SPAG16: variants seen among roughly 807,000 people sequenced by gnomAD.
The protein encoded by SPAG16 is sperm associated antigen 16.
A neutral mutation model predicts 80.4 loss-of-function variants in SPAG16; 86 were observed. That is an observed-to-expected ratio of 1.07 (90% CI 0.90 to 1.28). The LOEUF (loss-of-function observed/expected upper bound fraction) is 1.28, where lower values mean the gene tolerates loss of function less well. SPAG16 is among the 50% of genes most tolerant of loss of function. The pLI, the probability that SPAG16 is intolerant of heterozygous loss-of-function variation, is 0.00. For synonymous variants in SPAG16, 294 were observed against 265.9 expected, an observed-to-expected ratio of 1.11 and a Z score of -1.03; for missense variants, 870 against 765.3, an observed-to-expected ratio of 1.14 and a Z score of -1.61.
At position 213,346,696 on chromosome 2, in the gene SPAG16, A is replaced by G. The variant is rs1248770337; in HGVS notation, c.645-3832A>G. Among the ~76,000 whole-genome samples, 5 of 152,250 alleles carry G rather than the reference A, an allele frequency of 3.3e-5. No individual in the cohort carries two copies. In the East Asian group the frequency reaches 9.6e-4, roughly 29 times the overall value. The stretch of plus-strand genomic sequence containing the variant: ...CTGGATTATGTTTATTGATTTGCAT[A>G]TGTTGAACCAGCCTTGCATCCCAGG... On this transcript the variant is annotated intron_variant, in intron 6 of 15. Coordinates refer to ENST00000331683, the MANE Select transcript of SPAG16 (RefSeq NM_024532.5).
chr2:213,741,860 C>CT, intron 10 of SPAG16, among the ~76,000 whole-genome samples: 1 of 152,156 alleles, frequency 6.6e-6, no homozygotes, highest in East Asian at 1.9e-4. Context: ...GAGTTGTTCT[C>CT]TTTTTTCCTT....
At chr2:213,984,444 G>T (rs1165093605) in intron 12 of SPAG16, among the ~76,000 whole-genome samples, 2 of 152,068 alleles carry the variant, frequency 1.3e-5, no homozygotes, top group Non-Finnish European at 2.9e-5. Context: ...GGATAGCAAA[G>T]CTCACATAAC....
intron 10 of SPAG16, among the ~76,000 whole-genome samples, chr2:213,492,881 A>C (rs1160121340): frequency 1.3e-5 from 2 of 152,184 alleles, no homozygotes; most frequent in African/African-American, 4.8e-5. Flanking sequence ...TATAAGTGCC[A>C]GGATTCAGCT....
intron 12 of SPAG16, among the ~76,000 whole-genome samples, chr2:213,976,218 G>A (rs866855336): frequency 5.5e-5 from 8 of 145,628 alleles, no homozygotes; most frequent in South Asian, 2.1e-4. Flanking sequence ...ACATATGTAC[G>A]CATATACATA....
Position 214,012,299 on chromosome 2 carries a change from T to TA in SPAG16, c.1401-1652_1401-1651insA, listed in dbSNP as rs2047349755. On this transcript the variant is annotated intron_variant, in intron 12 of 15. Coordinates refer to ENST00000331683, the MANE Select transcript of SPAG16 (RefSeq NM_024532.5). ...ATATATATATATATATTTTTTTTTT[T>TA]TTTTTTTTTTCCTCGAGAGGGCATC... is the stretch of plus-strand genomic sequence containing the variant. Among the ~76,000 whole-genome samples the TA allele has an allele frequency of 6.2e-5, 7 of 113,526 alleles. 1 individual carries two copies. The highest frequency in any genetic ancestry group is 2.4e-4 in the African/African-American group (7 of 28,918). 74.5% of individuals were successfully genotyped at this position (113,526 alleles called of 152,430 possible).
At chr2:213,860,161 C>T (rs1213909668) in intron 10 of SPAG16, among the ~76,000 whole-genome samples, 1 of 151,934 alleles carries the variant, frequency 6.6e-6, no homozygotes, top group African/African-American at 2.4e-5. Flanking sequence ...GGGTCTTTAT[C>T]GCTATGTCCC....
chr2:213,628,443 C>T (rs1197127049), intron 10 of SPAG16, among the ~76,000 whole-genome samples: 1 of 152,140 alleles, frequency 6.6e-6, no homozygotes, highest in African/African-American at 2.4e-5. Flanking sequence ...TATCTTTGTA[C>T]TTGAAATTAT....
intron 12 of SPAG16, among the ~76,000 whole-genome samples, chr2:213,937,655 CT>C (rs200066461): frequency 0.045 from 6,895 of 151,862 alleles, 181 homozygotes; most frequent in South Asian, 0.11. Context: ...TTTTATTTTC[CT>C]TTCCCCCCCA....
At chr2:214,359,230 T>C (rs527425465) in intron 15 of SPAG16, among the ~76,000 whole-genome samples, 56 of 151,892 alleles carry the variant, frequency 3.7e-4, no homozygotes, top group Non-Finnish European at 7.2e-4. Flanking sequence ...ATTCCCATTA[T>C]ATAGATGAGA....
chr2:214,027,188 C>G (rs997588759), intron 13 of SPAG16, among the ~76,000 whole-genome samples: 2 of 151,348 alleles, frequency 1.3e-5, no homozygotes, highest in African/African-American at 4.8e-5. Context: ...TTTTTGTATG[C>G]TATAGATAAG....
At chr2:213,966,208 C>T (rs2044703084) in intron 12 of SPAG16, among the ~76,000 whole-genome samples, 1 of 152,138 alleles carries the variant, frequency 6.6e-6, no homozygotes, top group African/African-American at 2.4e-5. Flanking sequence ...TAGAGCTTCT[C>T]TTCCACTGAG....
chr2:214,188,975 C>T (rs975741223), intron 15 of SPAG16, among the ~76,000 whole-genome samples: 2 of 152,074 alleles, frequency 1.3e-5, no homozygotes, highest in Admixed American at 6.6e-5. Context: ...TTATACATAG[C>T]AACATCTCTT....
chr2:213,528,846 C>A lies in SPAG16; in HGVS notation c.1070+38756C>A, dbSNP rs913153206. Among the ~76,000 whole-genome samples, 18 of 152,134 alleles carry A rather than the reference C, an allele frequency of 1.2e-4. 1 individual carries two copies. The highest frequency in any genetic ancestry group is 2.1e-4 in the Non-Finnish European group (14 of 68,018). On this transcript the variant is annotated intron_variant, in intron 10 of 15. Transcript: ENST00000331683. ...TTACGAATTTGTGTTGAGCTGAATT[C>A]AAAGCCATCCTGGGCTGTATGTTGC...
At chr2:214,059,196 A>ATATATATGTATGTG (rs2050106780) in intron 13 of SPAG16, among the ~76,000 whole-genome samples, 3 of 30,312 alleles carry the variant, frequency 9.9e-5, no homozygotes, top group African/African-American at 3.2e-4. Flanking sequence ...CTATATATAT[A>ATATATATGTATGTG]TATATATATA....
intron 13 of SPAG16, among the ~76,000 whole-genome samples, chr2:214,069,784 A>T (rs933840509): frequency 3.4e-5 from 5 of 146,172 alleles, no homozygotes; most frequent in African/African-American, 1.1e-4. Context: ...TAAATTTTCT[A>T]AAAAAAATCA....
chr2:213,665,219 G>T (rs1042555365), intron 10 of SPAG16, among the ~76,000 whole-genome samples: 1 of 152,192 alleles, frequency 6.6e-6, no homozygotes, highest in East Asian at 1.9e-4. Flanking sequence ...AGGAGCACAT[G>T]TTATGTTTAT....
intron 10 of SPAG16, among the ~76,000 whole-genome samples, chr2:213,543,359 A>G (rs963360980): frequency 6.6e-6 from 1 of 151,922 alleles, no homozygotes; most frequent in African/African-American, 2.4e-5. Flanking sequence ...AGACGTTGCA[A>G]GGAACTTCTC....
chr2:213,640,114 A>G (rs1385763844), intron 10 of SPAG16, among the ~76,000 whole-genome samples: 4 of 151,844 alleles, frequency 2.6e-5, no homozygotes, highest in Non-Finnish European at 4.4e-5. Context: ...TATGATGTCT[A>G]TTCTCTGGAG....
At chr2:213,404,114 T>C (rs1180713111) in intron 9 of SPAG16, among the ~76,000 whole-genome samples, 1 of 152,046 alleles carries the variant, frequency 6.6e-6, no homozygotes, top group Non-Finnish European at 1.5e-5. Context: ...ATCAATATCA[T>C]GAAAATGGCC....
Sources: gnomAD v4.1 joint callset for allele counts (sites outside exome capture counted in the v4.1 genomes callset) on GRCh38, gnomAD v4.1.1 for gene constraint, MANE v1.5 for transcripts, NCBI Gene and HGNC (gene_info 2026-07-23, HGNC 2026-07-21) for gene names.